The following SETBP1 variants were observed in gnomAD, a reference collection of about 807,000 sequenced individuals.
SETBP1 encodes SET binding protein 1, also known as SET-binding protein.
Under a neutral mutation model 101.0 loss-of-function variants are expected in SETBP1, and 9 were observed. The observed-to-expected ratio is 0.09, with a 90% confidence interval of 0.05 to 0.16. The LOEUF is 0.16. Ranked by LOEUF, SETBP1 falls within the 10% of genes least tolerant of loss-of-function variation. The pLI is 1.00. For synonymous variants in SETBP1, 818 were observed against 788.5 expected, an observed-to-expected ratio of 1.04 and a Z score of -0.63; for missense variants, 1,858 against 2,033.8, an observed-to-expected ratio of 0.91 and a Z score of 1.66.
chr18:44,818,508 A>G (rs1279989713), intron 2 of SETBP1, among the ~76,000 whole-genome samples: 1 of 152,138 alleles, frequency 6.6e-6, no homozygotes, highest in Non-Finnish European at 1.5e-5. Flanking sequence ...TAGTGGCCAA[A>G]GGCTGCCAAG....
chr18:45,068,112 T>A lies in SETBP1; in HGVS notation c.*4414T>A, dbSNP rs550895705. 6.6e-6 allele frequency: 1 copy of A among 152,364 alleles called. No individual in the cohort carries two copies. The highest frequency in any genetic ancestry group is 6.5e-5 in the Admixed American group (1 of 15,302). The allele number at this position is 152,364 out of a possible 1,614,324, so 9.4% of individuals were successfully genotyped here. On this transcript the variant is annotated 3_prime_UTR_variant, in exon 6 of 6. Transcript: ENST00000649279. ...CATAAGTGGTTTTTAAAAGCCTTTT[T>A]TAAAGTGTAATTTGCATGTTCTACT...
chr18:44,903,547 A>G (rs2070102556), intron 3 of SETBP1, among the ~76,000 whole-genome samples: 1 of 152,250 alleles, frequency 6.6e-6, no homozygotes, highest in Non-Finnish European at 1.5e-5. Context: ...TGAGAGAGAA[A>G]GAAACAAAGA....
rs141202983 is a variant in SETBP1 at position 45,056,158 on chromosome 18, T to G, written c.4172-6921T>G. On this transcript the variant is annotated intron_variant, in intron 5 of 5. Coordinates refer to ENST00000649279, the MANE Select transcript of SETBP1 (RefSeq NM_015559.3). ...GAAAATGGCAACTCATGTATACAGT[T>G]TGGTGTGAAATAACCAACAGAACTC... Among the ~76,000 whole-genome samples the G allele has an allele frequency of 6.1e-3, 925 of 152,310 alleles. 10 individuals carry two copies. The highest frequency in any genetic ancestry group is 0.02 in the African/African-American group (851 of 41,572).
intron 2 of SETBP1, among the ~76,000 whole-genome samples, chr18:44,793,952 C>CA (rs1401736784): frequency 6.6e-6 from 1 of 152,224 alleles, no homozygotes; most frequent in South Asian, 2.1e-4. Context: ...ATGTTAATTG[C>CA]AAAAAGAAAT....
chr18:45,057,778 T>G (rs1040826568), intron 5 of SETBP1, among the ~76,000 whole-genome samples: 2 of 152,210 alleles, frequency 1.3e-5, no homozygotes, highest in African/African-American at 4.8e-5. Context: ...AAAGCTTTCT[T>G]GTAAAATAGA....
intron 1 of SETBP1, among the ~76,000 whole-genome samples, chr18:44,699,395 A>AAG (rs2144181831): frequency 6.6e-6 from 1 of 152,336 alleles, no homozygotes; most frequent in South Asian, 2.1e-4. Flanking sequence ...TGACACTAGT[A>AAG]AGAGAGGCCT....
rs548662822 is a variant in SETBP1, at chr18:44,857,339, A to G, written c.487-11891A>G. 2.6e-5 allele frequency among the ~76,000 whole-genome samples: 4 copies of G among 152,310 alleles called. No individual in the cohort carries two copies. The South Asian group carries it at 8.3e-4, about 32-fold the overall frequency. ...CCTTTAGTAATAGACAAGGTGTATGAAGCCTGATAATGCCTTGGGTGAGTG... is the reference window on the plus strand; with the variant it reads ...CCTTTAGTAATAGACAAGGTGTATGGAGCCTGATAATGCCTTGGGTGAGTG... On this transcript the variant is annotated intron_variant, in intron 2 of 5. Transcript: ENST00000649279.
At chr18:44,765,940 G>A (rs946177584) in intron 2 of SETBP1, among the ~76,000 whole-genome samples, 2 of 152,218 alleles carry the variant, frequency 1.3e-5, no homozygotes, top group African/African-American at 2.4e-5. Context: ...AGTAATTAGA[G>A]TTATACTTAA....
chr18:44,701,472 A>G lies in SETBP1; in HGVS notation c.126A>G (p.Pro42=). 1.9e-6 allele frequency: 3 copies of G among 1,613,702 alleles called. No homozygotes were observed. The highest frequency in any genetic ancestry group is 2.2e-5 in the South Asian group (2 of 91,052). ...CAGGAGAACCTTTGCTCTCCACTCC[A>G]GGACCTGGGAAGGGGATCCCGGTGG... is the stretch of plus-strand genomic sequence containing the variant. ...GCAGEPLLST[P]GPGKGIPVGG... The change falls in exon 2 of 6, where the codon CCA becomes CCG. Residue 42 remains proline, a synonymous_variant. Coordinates refer to ENST00000649279, the MANE Select transcript of SETBP1 (RefSeq NM_015559.3).
chr18:44,803,122 A>G (rs975772758), intron 2 of SETBP1, among the ~76,000 whole-genome samples: 2 of 152,168 alleles, frequency 1.3e-5, no homozygotes, highest in African/African-American at 4.8e-5. Flanking sequence ...ATTTGCTTGC[A>G]GGGATTGGGG....
rs761867528 is a variant in SETBP1, at chr18:44,952,880, C to G, written c.3540C>G (p.Gly1180=). The G allele has an allele frequency of 6.2e-7, 1 of 1,613,740 alleles. No individual in the cohort carries two copies. Among genetic ancestry groups the G allele is most frequent in the African/African-American group, 1.3e-5 (1 of 74,934 alleles). ...GTCTTTTTGCAGGCAAAGCCACAGG[C>G]TTCTCCAGCCACATCCTGAGCGAGC... The part of the protein sequence containing the change: ...LSGLFAGKAT[G]FSSHILSERL... Residue 1180 remains glycine (G), a synonymous_variant, in exon 4 of 6, where the codon GGC becomes GGG. Coordinates refer to ENST00000649279, the MANE Select transcript of SETBP1 (RefSeq NM_015559.3).
intron 2 of SETBP1, among the ~76,000 whole-genome samples, chr18:44,723,344 T>C (rs149813485): frequency 1.1e-4 from 16 of 152,164 alleles, no homozygotes; most frequent in Non-Finnish European, 1.6e-4. Context: ...GTCACACTGT[T>C]TTTTATTGCT....
chr18:44,876,500 TG>T, intron 3 of SETBP1: 1 of 1,139,574 alleles, frequency 8.8e-7, no homozygotes, highest in Non-Finnish European at 1.3e-6. Flanking sequence ...TTGGTCTGGG[TG>T]GGGTCTGGAT....
chr18:44,965,236 C>T (rs1046789944), intron 4 of SETBP1, among the ~76,000 whole-genome samples: 1 of 151,556 alleles, frequency 6.6e-6, no homozygotes, highest in Non-Finnish European at 1.5e-5. Context: ...ACAATTACCA[C>T]TCTCACTTCG....
intron 4 of SETBP1, among the ~76,000 whole-genome samples, chr18:44,995,167 A>T (rs1282975328): frequency 9.5e-4 from 101 of 106,146 alleles, no homozygotes; most frequent in African/African-American, 3.4e-3. Context: ...TTTGAGATGG[A>T]GTCTTGCTCT....
chr18:44,935,671 G>T (rs1484286075), intron 3 of SETBP1, among the ~76,000 whole-genome samples: 1 of 152,220 alleles, frequency 6.6e-6, no homozygotes, highest in Admixed American at 6.5e-5. Context: ...CCAGAACAAT[G>T]ACTCCACATG....
chr18:44,741,007 A>G (rs1414043780), intron 2 of SETBP1, among the ~76,000 whole-genome samples: 2 of 152,260 alleles, frequency 1.3e-5, no homozygotes, highest in Non-Finnish European at 2.9e-5. Flanking sequence ...ATCATCAAAT[A>G]TAGAAACTAA....
chr18:44,849,151 G>A (rs1393080536), intron 2 of SETBP1, among the ~76,000 whole-genome samples: 1 of 152,148 alleles, frequency 6.6e-6, no homozygotes, highest in Non-Finnish European at 1.5e-5. Context: ...CTGGGAGGAG[G>A]AAATTGGCAC....
chr18:44,891,642 GA>G (rs76279795), intron 3 of SETBP1, among the ~76,000 whole-genome samples: 6 of 151,200 alleles, frequency 4.0e-5, no homozygotes, highest in Non-Finnish European at 7.4e-5. Context: ...TTCTATTCCT[GA>G]AAAAAAAATG....
Sources: gnomAD v4.1 joint callset for allele counts (sites outside exome capture counted in the v4.1 genomes callset) on GRCh38, gnomAD v4.1.1 for gene constraint, MANE v1.5 for transcripts, NCBI Gene and HGNC (gene_info 2026-07-23, HGNC 2026-07-21) for gene names.